The following LRP1B variants were observed in gnomAD, a reference collection of about 807,000 sequenced individuals.
LRP1B encodes low-density lipoprotein receptor-related protein 1B.
In LRP1B, 217 loss-of-function variants were observed where a neutral mutation model predicts 556.6. That is an observed-to-expected ratio of 0.39 (90% CI 0.35 to 0.44). The LOEUF (loss-of-function observed/expected upper bound fraction) is 0.44, where lower values mean the gene tolerates loss of function less well. LRP1B is among the 20% of genes least tolerant of loss of function. The probability of loss-of-function intolerance (pLI) is 1.00; values close to 1 mark genes in which losing one functional copy is unlikely to be tolerated. For synonymous variants in LRP1B, 2,047 were observed against 1,865.8 expected (o/e 1.10, Z -2.50); for missense variants, 5,053 against 5,620.8 (o/e 0.90, Z 3.23).
At chr2:141,544,352 C>CTTCTTCTT (rs1559131384) in intron 2 of LRP1B, among the ~76,000 whole-genome samples, 12 of 89,568 alleles carry the variant, frequency 1.3e-4, no homozygotes, top group Admixed American at 2.7e-4. Flanking sequence ...TCTTCTTCTT[C>CTTCTTCTT]TTCTTCTTCT....
At chr2:141,026,231 T>C (rs1007138441) in intron 11 of LRP1B, among the ~76,000 whole-genome samples, 3 of 152,122 alleles carry the variant, frequency 2.0e-5, no homozygotes, top group Admixed American at 2.0e-4. Context: ...CTCTTTCATA[T>C]TATATGAAAA....
intron 71 of LRP1B, among the ~76,000 whole-genome samples, chr2:140,368,467 C>G (rs1463577648): frequency 6.6e-6 from 1 of 151,808 alleles, no homozygotes; most frequent in Non-Finnish European, 1.5e-5. Context: ...AGAGAACCCC[C>G]CAATCTTTTC....
chr2:141,330,284 G>T (rs1356639267), intron 3 of LRP1B, among the ~76,000 whole-genome samples: 2 of 152,090 alleles, frequency 1.3e-5, no homozygotes, highest in African/African-American at 2.4e-5. Flanking sequence ...GACTAATGGG[G>T]TTTATACAAT....
At chr2:141,277,414 G>A (rs1685344308) in intron 3 of LRP1B, among the ~76,000 whole-genome samples, 2 of 152,144 alleles carry the variant, frequency 1.3e-5, no homozygotes, top group South Asian at 4.1e-4. Flanking sequence ...TTTTTCATAT[G>A]TTTGTTGGCC....
intron 3 of LRP1B, among the ~76,000 whole-genome samples, chr2:141,307,072 T>G (rs1686619346): frequency 6.6e-6 from 1 of 152,178 alleles, no homozygotes; most frequent in African/African-American, 2.4e-5. Flanking sequence ...AAAATGTATA[T>G]TTTGTAGCTG....
At chr2:140,720,046 G>T (rs1183634845) in intron 35 of LRP1B, among the ~76,000 whole-genome samples, 3 of 152,052 alleles carry the variant, frequency 2.0e-5, no homozygotes, top group African/African-American at 7.2e-5. Flanking sequence ...ACAACAAATT[G>T]TAAAGATACA....
At chr2:141,569,655 T>C (rs1041746373) in intron 2 of LRP1B, among the ~76,000 whole-genome samples, 1 of 151,186 alleles carries the variant, frequency 6.6e-6, no homozygotes, top group Non-Finnish European at 1.5e-5. Context: ...ACTCCCTTTT[T>C]AATGGTGAAG....
chr2:141,962,356 T>C (rs935730858), intron 1 of LRP1B, among the ~76,000 whole-genome samples: 1 of 151,784 alleles, frequency 6.6e-6, no homozygotes. Flanking sequence ...ATATAAAAGA[T>C]ATCAACAGCC....
chr2:141,693,768 T>G (rs1371433536), intron 2 of LRP1B, among the ~76,000 whole-genome samples: 1 of 152,032 alleles, frequency 6.6e-6, no homozygotes, highest in Admixed American at 6.6e-5. Flanking sequence ...CAATGCCCCT[T>G]CTCAGTCCCC....
intron 20 of LRP1B, among the ~76,000 whole-genome samples, chr2:140,932,635 G>A (rs1349727409): frequency 6.6e-6 from 1 of 151,884 alleles, no homozygotes; most frequent in Admixed American, 6.6e-5. Context: ...TGCTTTGGGA[G>A]GCTGAAGTAG....
chr2:140,658,065 A>G (rs987423452), intron 41 of LRP1B, among the ~76,000 whole-genome samples: 1 of 152,110 alleles, frequency 6.6e-6, no homozygotes, highest in African/African-American at 2.4e-5. Context: ...GTTAATATCT[A>G]CTTATAAATT....
intron 41 of LRP1B, among the ~76,000 whole-genome samples, chr2:140,665,329 T>C (rs1402569438): frequency 1.3e-5 from 2 of 152,166 alleles, no homozygotes; most frequent in Non-Finnish European, 2.9e-5. Flanking sequence ...AGGAACTCTA[T>C]TTCAAAGAAA....
chr2:140,797,695 T>C (rs1690365879), intron 32 of LRP1B, among the ~76,000 whole-genome samples: 1 of 152,156 alleles, frequency 6.6e-6, no homozygotes, highest in Non-Finnish European at 1.5e-5. Flanking sequence ...TTCAGTATAA[T>C]ACTTTAATGG....
At position 141,517,029 on chromosome 2, in the gene LRP1B, A is replaced by AAAAAAAAAAAAAAAAAAAAAAAAAC. The variant is rs772472942; in HGVS notation, c.206-36497_206-36496insGTTTTTTTTTTTTTTTTTTTTTTTT. Reference sequence around the variant, plus strand: ...TAAAAAAAAAAAAAAAAAAAAAAAAAAAAGTAAATCAATGAAATAATTTAA... The same window carrying AAAAAAAAAAAAAAAAAAAAAAAAAC: ...TAAAAAAAAAAAAAAAAAAAAAAAAAAAAAAAAAAAAAAAAAAAAAAAAACAAAGTAAATCAATGAAATAATTTAA... On this transcript the variant is annotated intron_variant, in intron 2 of 90. Coordinates refer to ENST00000389484, the MANE Select transcript of LRP1B (RefSeq NM_018557.3). Among the ~76,000 whole-genome samples the AAAAAAAAAAAAAAAAAAAAAAAAAC allele has an allele frequency of 4.4e-5, 4 of 90,192 alleles. 1 individual carries two copies. The highest frequency in any genetic ancestry group is 8.5e-5 in the Non-Finnish European group (4 of 46,912). The allele number at this position is 90,192 out of a possible 152,430, so 59.2% of individuals were successfully genotyped here.
At position 140,371,561 on chromosome 2, in the gene LRP1B, AC is replaced by A. The variant is rs543107055; in HGVS notation, c.10769-277del. 2.8e-4 allele frequency among the ~76,000 whole-genome samples: 43 copies of A among 151,806 alleles called. 1 individual carries two copies. In the South Asian group the frequency reaches 5.4e-3, roughly 19 times the overall value. On this transcript the variant is annotated intron_variant, in intron 69 of 90. Transcript: ENST00000389484. ...CAATAGTCCATAGAAGGAAAAAAAA[AC>A]AAACAAACCTTGATATCCTTCATCC...
chr2:140,492,483 GA>G, intron 57 of LRP1B, 124 bp downstream of exon 57: 1 of 639,824 alleles, frequency 1.6e-6, no homozygotes, highest in Non-Finnish European at 2.7e-6. Flanking sequence ...TATTTTCAAA[GA>G]AAATATTTCT....
At chr2:141,347,320 C>A (rs1688288757) in intron 3 of LRP1B, among the ~76,000 whole-genome samples, 1 of 151,796 alleles carries the variant, frequency 6.6e-6, no homozygotes, top group Admixed American at 6.6e-5. Flanking sequence ...CAAAAAAAAT[C>A]AATAGAAATC....
At chr2:142,101,620 A>G (rs961022604) in intron 1 of LRP1B, among the ~76,000 whole-genome samples, 1 of 151,982 alleles carries the variant, frequency 6.6e-6, no homozygotes, top group Admixed American at 6.6e-5. Flanking sequence ...GATGCTATTA[A>G]GAAAACTATT....
chr2:140,532,445 G>A (rs1047177238), intron 47 of LRP1B, among the ~76,000 whole-genome samples: 7 of 151,908 alleles, frequency 4.6e-5, no homozygotes, highest in Non-Finnish European at 1.0e-4. Context: ...TCACCAAGCT[G>A]GAGTGCAGTG....
Sources: allele counts gnomAD v4.1 joint callset (sites outside exome capture counted in the v4.1 genomes callset), GRCh38; gene constraint gnomAD v4.1.1; transcripts MANE v1.5; gene names NCBI Gene and HGNC (gene_info 2026-07-23, HGNC 2026-07-21).